The following EVC variants were observed in gnomAD, a reference collection of about 807,000 sequenced individuals.
The protein encoded by EVC is evC complex member EVC.
EVC carries 116 observed loss-of-function variants against 118.9 expected under a neutral mutation model. That is an observed-to-expected ratio of 0.98 (90% CI 0.84 to 1.14). The LOEUF (loss-of-function observed/expected upper bound fraction) is 1.14. EVC is among the 50% of genes most tolerant of loss of function. EVC has a pLI of 0.00. For missense variants in EVC, 1,401 were observed against 1,246.4 expected, an observed-to-expected ratio of 1.12 and a Z score of -1.87; for synonymous variants, 619 against 534.7, an observed-to-expected ratio of 1.16 and a Z score of -2.18.
intron 5 of EVC, among the ~76,000 whole-genome samples, chr4:5,736,312 C>G (rs980106276): frequency 6.6e-6 from 1 of 152,084 alleles, no homozygotes; most frequent in Non-Finnish European, 1.5e-5. Flanking sequence ...CATGCACACA[C>G]ATAAATGTGC....
intron 2 of EVC, among the ~76,000 whole-genome samples, chr4:5,724,521 T>A (rs1725489290): frequency 6.6e-6 from 1 of 152,162 alleles, no homozygotes; most frequent in African/African-American, 2.4e-5. Context: ...AGGGCGGACC[T>A]GGGGCCAGCA....
chr4:5,826,264 G>C, the EVC span: 217 of 153,348 alleles, frequency 1.4e-3, no homozygotes, highest in African/African-American at 5.0e-3. Flanking sequence ...AGCAGCAACG[G>C]GCCCATCTTC....
At chr4:5,778,543 AGAT>A (rs1158720398) in intron 11 of EVC, among the ~76,000 whole-genome samples, 1 of 152,154 alleles carries the variant, frequency 6.6e-6, no homozygotes, top group Non-Finnish European at 1.5e-5. Flanking sequence ...AACTGGTGTG[AGAT>A]GATAACTCAT....
intron 2 of EVC, among the ~76,000 whole-genome samples, chr4:5,722,155 G>A (rs1195282976): frequency 6.6e-6 from 1 of 152,176 alleles, no homozygotes; most frequent in Non-Finnish European, 1.5e-5. Flanking sequence ...TTAAATGACA[G>A]CAGTGATGGT....
chr4:5,748,922 T>G (rs1729919901), intron 8 of EVC, among the ~76,000 whole-genome samples: 1 of 95,286 alleles, frequency 1.0e-5, no homozygotes. Context: ...GTACTGATTC[T>G]TGGGCCCCAG....
At chr4:5,747,066 C>A (rs1729467845) in intron 7 of EVC, among the ~76,000 whole-genome samples, 1 of 151,950 alleles carries the variant, frequency 6.6e-6, no homozygotes, top group Non-Finnish European at 1.5e-5. Flanking sequence ...TTTGAGGTCC[C>A]TCCTGGCAGG....
the EVC span, chr4:5,825,574 GC>G: frequency 6.2e-7 from 1 of 1,602,330 alleles, no homozygotes; most frequent in Admixed American, 1.8e-5. The surrounding 1 kb of genome is among the most constrained non-coding windows in gnomAD (Gnocchi z 4.4). Flanking sequence ...GGCTGAAGGA[GC>G]GGGAGTTGCA....
In EVC at chr4:5,733,380, T is replaced by G; in HGVS notation, c.647T>G (p.Leu216Arg). Residue 216 changes from leucine (L) to arginine (R), a missense_variant, in exon 5 of 21, where the codon CTT (leucine) becomes CGT (arginine). Transcript: ENST00000264956. ...GACGTTGACCTGTGTATCTACAGCC[T>G]TCACTTAAAAGACCTGCTGCATTTG... ...SVDVDLCIYS[L>R]HLKDLLHLDT... 6.2e-7 allele frequency: 1 copy of G among 1,614,122 alleles called. No homozygotes were observed. The highest frequency in any genetic ancestry group is 1.1e-5 in the South Asian group (1 of 91,076).
At chr4:5,787,872 T>C (rs1260592779) in intron 12 of EVC, among the ~76,000 whole-genome samples, 2 of 152,280 alleles carry the variant, frequency 1.3e-5, no homozygotes, top group Admixed American at 6.5e-5. Context: ...CATCACCAAG[T>C]CTGCTCTCCT....
intron 12 of EVC, among the ~76,000 whole-genome samples, chr4:5,788,512 T>G (rs1560410477): frequency 6.6e-6 from 1 of 152,196 alleles, no homozygotes; most frequent in Non-Finnish European, 1.5e-5. Context: ...GAGAAATGGG[T>G]GTGTCAAAAA....
At chr4:5,783,220 GA>G (rs1735898230) in intron 11 of EVC, among the ~76,000 whole-genome samples, 1 of 152,062 alleles carries the variant, frequency 6.6e-6, no homozygotes, top group African/African-American at 2.4e-5. Flanking sequence ...AAATGTGAAC[GA>G]AAGTGTGCAT....
intron 2 of EVC, among the ~76,000 whole-genome samples, chr4:5,723,134 T>A (rs1407317756): frequency 1.5e-4 from 23 of 151,540 alleles, no homozygotes; most frequent in Admixed American, 1.5e-3. Context: ...GGCTCCTCCA[T>A]CCCCAGGTGC....
intron 12 of EVC, among the ~76,000 whole-genome samples, chr4:5,784,366 G>A (rs956810580): frequency 1.3e-4 from 20 of 152,110 alleles, no homozygotes; most frequent in African/African-American, 4.8e-4. Context: ...GGTCGGAATG[G>A]TGTGGCTGTG....
At position 5,737,728 on chromosome 4, in the gene EVC, A is replaced by G. The variant is rs1727918133; in HGVS notation, c.703-3988A>G. 6.6e-6 allele frequency among the ~76,000 whole-genome samples: 1 copy of G among 152,208 alleles called. No homozygotes were observed. Among genetic ancestry groups the G allele is most frequent in the Non-Finnish European group, 1.5e-5 (1 of 68,044 alleles). On this transcript the variant is annotated intron_variant, in intron 5 of 20. Coordinates refer to ENST00000264956, the MANE Select transcript of EVC (RefSeq NM_153717.3). This position sits in a 1 kb window ranked among gnomAD's most constrained non-coding sequence, Gnocchi z 5.0. ...CACTATTGACACCTACTGCCCAGAA[A>G]ATAAACTTCTTTTCAAAATGTTACT...
Position 5,753,007 on chromosome 4 carries a change from C to T in EVC, c.1270C>T (p.Gln424Ter). The T allele has an allele frequency of 1.9e-6, 3 of 1,612,188 alleles. No homozygotes were observed. The highest frequency in any genetic ancestry group is 2.5e-6 in the Non-Finnish European group (3 of 1,179,348). ...GCGGCAGAAGGAGGAGCTGCTCACG[C>T]AGCAGCACAAGGCCTTCTGGCAGGA... Reference protein sequence around the residue: ...SGRQKEELLTQQHKAFWQEAE... With the variant: ...SGRQKEELLT Residue 424 changes from glutamine (Q) to a stop codon, truncating the protein, a stop_gained, in exon 9 of 21, where the codon CAG (glutamine) becomes TAG (stop). Transcript: ENST00000264956. LOFTEE classifies it high-confidence loss of function.
intron 11 of EVC, among the ~76,000 whole-genome samples, chr4:5,778,249 T>C (rs1735019352): frequency 1.3e-5 from 2 of 151,904 alleles, no homozygotes; most frequent in African/African-American, 4.9e-5. Context: ...TGTTGGACAT[T>C]TGGGTTGGTT....
intron 8 of EVC, 92 bp downstream of exon 8, chr4:5,748,398 A>G: frequency 2.8e-6 from 4 of 1,411,216 alleles, no homozygotes; most frequent in Non-Finnish European, 2.0e-6. Context: ...TAACAGATTC[A>G]TGTTGTAGCT....
intron 12 of EVC, among the ~76,000 whole-genome samples, chr4:5,788,843 A>G (rs532681408): frequency 1.3e-5 from 2 of 152,198 alleles, no homozygotes; most frequent in East Asian, 3.9e-4. Context: ...GGCTGCATGC[A>G]GCCCAACACA....
At chr4:5,817,034 G>C (rs1717814774), downstream of EVC, among the ~76,000 whole-genome samples, 1 of 152,214 alleles carries the variant, frequency 6.6e-6, no homozygotes, top group Admixed American at 6.5e-5. Context: ...TTGGGAGAAG[G>C]AATCAGTGAG....
Sources: gnomAD v4.1 joint callset for allele counts (sites outside exome capture counted in the v4.1 genomes callset) on GRCh38, gnomAD v4.1.1 for gene constraint, Gnocchi (gnomAD v3.1) non-coding constraint, MANE v1.5 for transcripts, NCBI Gene and HGNC (gene_info 2026-07-23, HGNC 2026-07-21) for gene names.